Variants in ZNF704 observed in about 807,000 individuals in gnomAD.
ZNF704 encodes zinc finger protein 704.
ZNF704 carries 10 observed loss-of-function variants against 44.7 expected under a neutral mutation model. That is an observed-to-expected ratio of 0.22 (90% CI 0.14 to 0.38). The LOEUF (loss-of-function observed/expected upper bound fraction) is 0.38, where lower values mean the gene tolerates loss of function less well. Ranked by LOEUF, ZNF704 falls within the 10% of genes least tolerant of loss-of-function variation. ZNF704 has a pLI of 1.00. For synonymous variants in ZNF704, 211 were observed against 207.6 expected (o/e 1.02, Z -0.14); for missense variants, 390 against 545.5 (o/e 0.71, Z 2.84).
intron 2 of ZNF704, among the ~76,000 whole-genome samples, chr8:80,795,524 C>T (rs895909130): frequency 7.2e-5 from 11 of 152,020 alleles, no homozygotes; most frequent in Middle Eastern, 3.4e-3. Flanking sequence ...ATTGAAAATA[C>T]GCTTTTACAT....
chr8:80,656,931 A>G (rs541838614), intron 7 of ZNF704, among the ~76,000 whole-genome samples: 1 of 152,340 alleles, frequency 6.6e-6, no homozygotes, highest in Non-Finnish European at 1.5e-5. Context: ...CATCACTAAT[A>G]CAAATTCATT....
chr8:80,766,342 A>C (rs1335934253), intron 2 of ZNF704, among the ~76,000 whole-genome samples: 2 of 152,124 alleles, frequency 1.3e-5, no homozygotes, highest in African/African-American at 4.8e-5. Flanking sequence ...GTGTGCAGGA[A>C]GTCATTCTTC....
At chr8:80,654,483 C>A (rs1407880942) in intron 7 of ZNF704, among the ~76,000 whole-genome samples, 2 of 152,142 alleles carry the variant, frequency 1.3e-5, no homozygotes, top group African/African-American at 4.8e-5. Context: ...TGAACTCCAA[C>A]AAATTTACAA....
rs1412932087 is a variant in ZNF704, at chr8:80,634,064, G to C, written c.*7302C>G. 10 of 152,298 alleles carry C rather than the reference G, an allele frequency of 6.6e-5. No homozygotes were observed. Among genetic ancestry groups the C allele is most frequent in the Non-Finnish European group, 7.3e-5 (5 of 68,096 alleles). 9.4% of individuals were successfully genotyped at this position (152,298 alleles called of 1,614,324 possible). On this transcript the variant is annotated 3_prime_UTR_variant, in exon 9 of 9. Transcript: ENST00000327835. Reference sequence around the variant, plus strand: ...GAAGACTCATGAGGCCGGATGGAGAGGGAAGGAGTGTGGGGAGGCTGGCCA... The same window carrying C: ...GAAGACTCATGAGGCCGGATGGAGACGGAAGGAGTGTGGGGAGGCTGGCCA...
chr8:80,684,337 C>T (rs1488888142), intron 4 of ZNF704, among the ~76,000 whole-genome samples: 1 of 152,162 alleles, frequency 6.6e-6, no homozygotes, highest in African/African-American at 2.4e-5. Flanking sequence ...ACAAAATTGT[C>T]AAGAAACAAT....
At chr8:80,768,153 C>T (rs1166420794) in intron 2 of ZNF704, among the ~76,000 whole-genome samples, 1 of 152,120 alleles carries the variant, frequency 6.6e-6, no homozygotes, top group Non-Finnish European at 1.5e-5. Flanking sequence ...TTTTTGGAAA[C>T]ATCCAACAAG....
intron 1 of ZNF704, among the ~76,000 whole-genome samples, chr8:80,826,727 C>T (rs1586056831): frequency 6.6e-6 from 1 of 152,236 alleles, no homozygotes; most frequent in East Asian, 1.9e-4. Context: ...TTATCCACCA[C>T]AAGCAAGTTG....
intron 1 of ZNF704, among the ~76,000 whole-genome samples, chr8:80,844,491 C>T (rs902655238): frequency 2.6e-5 from 4 of 152,124 alleles, no homozygotes; most frequent in Non-Finnish European, 5.9e-5. Flanking sequence ...CCTCCTAATA[C>T]CATCACACTG....
At chr8:80,732,686 T>A (rs868184655) in intron 2 of ZNF704, among the ~76,000 whole-genome samples, 16 of 152,340 alleles carry the variant, frequency 1.1e-4, no homozygotes, top group African/African-American at 3.6e-4. Flanking sequence ...CTGGGTGCAG[T>A]GGCTCACGCC....
At chr8:80,815,736 C>T (rs1274357776) in intron 2 of ZNF704, among the ~76,000 whole-genome samples, 1 of 152,164 alleles carries the variant, frequency 6.6e-6, no homozygotes, top group African/African-American at 2.4e-5. Flanking sequence ...CTTTCTGAAT[C>T]TGTTTACTCA....
At chr8:80,785,561 G>A (rs1167010794) in intron 2 of ZNF704, among the ~76,000 whole-genome samples, 1 of 152,068 alleles carries the variant, frequency 6.6e-6, no homozygotes, top group South Asian at 2.1e-4. Flanking sequence ...GGACTCATGG[G>A]CATTTATTTT....
intron 1 of ZNF704, among the ~76,000 whole-genome samples, chr8:80,855,679 T>C (rs1455192541): frequency 6.6e-6 from 1 of 152,202 alleles, no homozygotes; most frequent in East Asian, 1.9e-4. Context: ...GTACGTTATT[T>C]AAGTGATGGA....
At chr8:80,682,793 C>T (rs189047885) in intron 4 of ZNF704, among the ~76,000 whole-genome samples, 1 of 152,334 alleles carries the variant, frequency 6.6e-6, no homozygotes, top group African/African-American at 2.4e-5. Flanking sequence ...TACAGGGCCT[C>T]TCGTATATTC....
Position 80,874,036 on chromosome 8 carries a change from C to T in ZNF704, c.-22+535G>A, listed in dbSNP as rs1332962410. On this transcript the variant is annotated intron_variant, in intron 1 of 8. Coordinates refer to ENST00000327835, the MANE Select transcript of ZNF704 (RefSeq NM_001033723.3). The surrounding 1 kb of genome is among the most constrained non-coding windows in gnomAD (Gnocchi z 4.4). ...GGCTGGAGCGCTTGGCTAGACGCCGCGCCTGCATGCCTGAGCGCGGGGTTG... is the reference window on the plus strand; with the variant it reads ...GGCTGGAGCGCTTGGCTAGACGCCGTGCCTGCATGCCTGAGCGCGGGGTTG... Among the ~76,000 whole-genome samples the T allele has an allele frequency of 6.8e-6, 1 of 146,856 alleles. No homozygotes were observed. The highest frequency in any genetic ancestry group is 1.5e-5 in the Non-Finnish European group (1 of 65,952).
intron 6 of ZNF704, among the ~76,000 whole-genome samples, chr8:80,661,914 T>C (rs1661308585): frequency 6.6e-6 from 1 of 152,138 alleles, no homozygotes; most frequent in Non-Finnish European, 1.5e-5. Flanking sequence ...CAATGTATTT[T>C]ATATTTCAAA....
chr8:80,783,283 A>G (rs909064876), intron 2 of ZNF704, among the ~76,000 whole-genome samples: 5 of 152,212 alleles, frequency 3.3e-5, no homozygotes, highest in East Asian at 1.9e-4. Flanking sequence ...GTTTGAAGCC[A>G]TCACACATTT....
intron 1 of ZNF704, among the ~76,000 whole-genome samples, chr8:80,826,749 G>C (rs1021799420): frequency 6.6e-6 from 1 of 152,130 alleles, no homozygotes; most frequent in Non-Finnish European, 1.5e-5. Flanking sequence ...CTTCATCCCT[G>C]GGATGCAAGG....
intron 2 of ZNF704, among the ~76,000 whole-genome samples, chr8:80,759,691 A>G (rs969358473): frequency 6.6e-6 from 1 of 152,216 alleles, no homozygotes; most frequent in Non-Finnish European, 1.5e-5. Flanking sequence ...CAACAACCAC[A>G]TAAGTGAGCT....
chr8:80,697,375 GTTT>G (rs1309365786), intron 2 of ZNF704, among the ~76,000 whole-genome samples: 1 of 152,198 alleles, frequency 6.6e-6, no homozygotes, highest in South Asian at 2.1e-4. Flanking sequence ...CTATTCAGCT[GTTT>G]TTAGTAAAGT....
Sources: gnomAD v4.1 joint callset for allele counts (sites outside exome capture counted in the v4.1 genomes callset) on GRCh38, gnomAD v4.1.1 for gene constraint, Gnocchi (gnomAD v3.1) non-coding constraint, MANE v1.5 for transcripts, NCBI Gene and HGNC (gene_info 2026-07-23, HGNC 2026-07-21) for gene names.